HYDIN: variants seen among roughly 807,000 people sequenced by gnomAD.
HYDIN encodes the protein axonemal central pair apparatus protein HYDIN.
In HYDIN, 132 loss-of-function variants were observed where a neutral mutation model predicts 403.9. That is an observed-to-expected ratio of 0.33 (90% CI 0.28 to 0.38). The LOEUF (loss-of-function observed/expected upper bound fraction) is 0.38, where lower values mean the gene tolerates loss of function less well. Ranked by LOEUF, HYDIN falls within the 10% of genes least tolerant of loss-of-function variation. The probability of loss-of-function intolerance (pLI) is 1.00; values close to 1 mark genes in which losing one functional copy is unlikely to be tolerated. For missense variants in HYDIN, 2,827 were observed against 5,009.5 expected, an observed-to-expected ratio of 0.56 and a Z score of 13.15; for synonymous variants, 1,202 against 1,891.7, an observed-to-expected ratio of 0.64 and a Z score of 9.46.
chr16:71,229,034 T>A (rs2041163510), intron 1 of HYDIN, among the ~76,000 whole-genome samples: 1 of 151,822 alleles, frequency 6.6e-6, no homozygotes, highest in African/African-American at 2.4e-5. Flanking sequence ...GAAACCATCA[T>A]TCTCAGCAAA....
Position 71,065,257 on chromosome 16 carries a change from G to A in HYDIN, c.2076-417C>T, listed in dbSNP as rs571650602. 3.3e-5 allele frequency among the ~76,000 whole-genome samples: 5 copies of A among 152,300 alleles called. No homozygotes were observed. The South Asian group carries it at 6.2e-4, about 19-fold the overall frequency. Reference sequence around the variant, plus strand: ...GTCAGAAAGCCCCCCAAGGACTAGCGACAGCTCACATCATCTAAATAACAA... The same window carrying A: ...GTCAGAAAGCCCCCCAAGGACTAGCAACAGCTCACATCATCTAAATAACAA... On this transcript the variant is annotated intron_variant, in intron 15 of 85. Transcript: ENST00000393567.
intron 1 of HYDIN, among the ~76,000 whole-genome samples, chr16:71,209,795 A>G (rs969720729): frequency 1.3e-5 from 2 of 152,210 alleles, no homozygotes; most frequent in Admixed American, 6.5e-5. Context: ...AATTACCACA[A>G]AAACAAAAAA....
chr16:71,006,724 C>A (rs2079898945), intron 23 of HYDIN, among the ~76,000 whole-genome samples: 1 of 151,810 alleles, frequency 6.6e-6, no homozygotes, highest in African/African-American at 2.4e-5. Flanking sequence ...CTGCACTCAG[C>A]CCTCTAGGGG....
At chr16:71,177,337 A>G (rs547362382) in intron 4 of HYDIN, among the ~76,000 whole-genome samples, 1 of 152,368 alleles carries the variant, frequency 6.6e-6, no homozygotes, top group East Asian at 1.9e-4. Flanking sequence ...AAAGAGAGTC[A>G]GAAGTGAGAA....
At chr16:71,203,802 A>G in intron 1 of HYDIN, 1 of 455,944 alleles carries the variant, frequency 2.2e-6, no homozygotes, top group Non-Finnish European at 4.4e-6. Context: ...CAGATAACAG[A>G]AAATAGTTCC....
At chr16:71,220,398 T>C (rs1263598790) in intron 1 of HYDIN, among the ~76,000 whole-genome samples, 1 of 152,230 alleles carries the variant, frequency 6.6e-6, no homozygotes, top group South Asian at 2.1e-4. Context: ...AATTTGGCCT[T>C]GTATACAAGA....
intron 83 of HYDIN, among the ~76,000 whole-genome samples, chr16:70,819,731 A>G (rs1004973486): frequency 2.0e-5 from 3 of 148,940 alleles, no homozygotes; most frequent in Non-Finnish European, 3.0e-5. Flanking sequence ...GTTTTATCTT[A>G]TTATTATTAG....
At chr16:71,011,524 T>A (rs1335904408) in intron 23 of HYDIN, among the ~76,000 whole-genome samples, 6 of 143,548 alleles carry the variant, frequency 4.2e-5, no homozygotes, top group Non-Finnish European at 7.5e-5. Flanking sequence ...CTGGGAAACA[T>A]AGAAAGACCC....
chr16:70,904,302 T>C (rs893580811), intron 50 of HYDIN, among the ~76,000 whole-genome samples: 1 of 102,100 alleles, frequency 9.8e-6, no homozygotes, highest in Non-Finnish European at 2.1e-5. Context: ...GAGGTGATAA[T>C]ACCACTTAGG....
chr16:70,946,463 T>C (rs1466723280), intron 41 of HYDIN, among the ~76,000 whole-genome samples: 2 of 151,132 alleles, frequency 1.3e-5, no homozygotes, highest in African/African-American at 4.9e-5. Context: ...TCAGGAGAGG[T>C]GAGAGTCTTC....
Position 70,863,131 on chromosome 16 carries a change from T to C in HYDIN, c.11523A>G (p.Ser3841=). 1 of 1,614,174 alleles carries C rather than the reference T, an allele frequency of 6.2e-7. No individual in the cohort carries two copies. The highest frequency in any genetic ancestry group is 2.2e-5 in the East Asian group (1 of 44,876). ...AGCTGACTGCCTTTGAGGTATCTTC[T>C]GAGACCCAGCTGAATTCCAGCTGGA... The part of the protein sequence containing the change: ...GRVQLEFSWV[S]EDTSKAVSFA... The change falls in exon 68 of 86, where the codon TCA becomes TCG. Residue 3841 remains serine, a synonymous_variant. Coordinates refer to ENST00000393567, the MANE Select transcript of HYDIN (RefSeq NM_001270974.2).
chr16:70,923,146 A>C (rs1049948354), intron 45 of HYDIN, among the ~76,000 whole-genome samples: 3 of 147,694 alleles, frequency 2.0e-5, no homozygotes, highest in Non-Finnish European at 4.5e-5. Flanking sequence ...AGAAGTTAGA[A>C]AAAGAACGGA....
chr16:71,073,375 C>T (rs1296947718), intron 13 of HYDIN, among the ~76,000 whole-genome samples: 6 of 152,296 alleles, frequency 3.9e-5, no homozygotes, highest in Non-Finnish European at 5.9e-5. Context: ...TCTCTTCTGC[C>T]AACCCTTCTA....
At chr16:71,021,817 T>G (rs574276295) in intron 21 of HYDIN, among the ~76,000 whole-genome samples, 73 of 152,292 alleles carry the variant, frequency 4.8e-4, no homozygotes, top group Admixed American at 1.8e-3. Flanking sequence ...CCTAATTTCA[T>G]ACTTTGATAT....
intron 1 of HYDIN, among the ~76,000 whole-genome samples, chr16:71,188,212 C>T (rs562131343): frequency 1.3e-5 from 2 of 152,190 alleles, no homozygotes; most frequent in Admixed American, 1.3e-4. Context: ...CCAGGCTGGT[C>T]TTGAACACCT....
chr16:71,198,026 C>T (rs529460268), intron 1 of HYDIN, among the ~76,000 whole-genome samples: 9 of 152,208 alleles, frequency 5.9e-5, no homozygotes, highest in South Asian at 2.1e-4. Flanking sequence ...GGATTACAGG[C>T]GTGAGCCACA....
chr16:71,039,008 T>C (rs1188438387), intron 18 of HYDIN, among the ~76,000 whole-genome samples: 2 of 152,214 alleles, frequency 1.3e-5, no homozygotes, highest in African/African-American at 2.4e-5. Flanking sequence ...CGAGTCACTT[T>C]GCTGCTTAAG....
At chr16:70,947,157 T>G (rs2143902859) in intron 41 of HYDIN, among the ~76,000 whole-genome samples, 1 of 149,772 alleles carries the variant, frequency 6.7e-6, no homozygotes, top group African/African-American at 2.4e-5. Context: ...GCCCATTCAG[T>G]ATGATATTGG....
At chr16:71,173,512 ATCTC>A (rs912787843) in intron 5 of HYDIN, among the ~76,000 whole-genome samples, 2 of 152,208 alleles carry the variant, frequency 1.3e-5, no homozygotes, top group African/African-American at 4.8e-5. Flanking sequence ...CAGTAATAAA[ATCTC>A]TCTCTTCTTC....
Sources: allele counts gnomAD v4.1 joint callset (sites outside exome capture counted in the v4.1 genomes callset), GRCh38; gene constraint gnomAD v4.1.1; transcripts MANE v1.5; gene names NCBI Gene and HGNC (gene_info 2026-07-23, HGNC 2026-07-21).